Variants in SCRN3 observed in about 807,000 individuals in gnomAD.
The protein encoded by SCRN3 is secernin 3, also known as secernin-3.
A neutral mutation model predicts 43.1 loss-of-function variants in SCRN3; 39 were observed. The observed-to-expected ratio is 0.91, with a 90% CI of 0.70 to 1.18. SCRN3 has a LOEUF of 1.18. Among genes scored for constraint, SCRN3 ranks in the 50% most tolerant of loss-of-function variants. SCRN3 has a pLI of 0.00. For synonymous variants in SCRN3, 147 were observed against 163.1 expected (o/e 0.90, Z 0.75); for missense variants, 484 against 498.0 (o/e 0.97, Z 0.27).
intron 5 of SCRN3, among the ~76,000 whole-genome samples, chr2:174,406,008 G>A (rs1298065972): frequency 7.2e-6 from 1 of 138,466 alleles, no homozygotes; most frequent in Non-Finnish European, 1.6e-5. Context: ...GTCATTGGTA[G>A]CTTGATGGGG....
At chr2:174,396,002 C>T (rs1054644789) in intron 1 of SCRN3, 185 bp downstream of exon 1, 4 of 1,360,824 alleles carry the variant, frequency 2.9e-6, no homozygotes, top group East Asian at 2.8e-5. Flanking sequence ...GCTTGAAGCT[C>T]GAGCCCATTA....
intron 4 of SCRN3, among the ~76,000 whole-genome samples, chr2:174,403,167 A>C (rs1203147665): frequency 6.6e-6 from 1 of 152,136 alleles, no homozygotes; most frequent in Non-Finnish European, 1.5e-5. Flanking sequence ...ATTTGAAATA[A>C]GCATGAAATG....
Position 174,422,891 on chromosome 2 carries a change from T to C in SCRN3, c.761T>C (p.Ile254Thr), listed in dbSNP as rs139815824. 2.3e-5 allele frequency: 37 copies of C among 1,602,142 alleles called. 2 individuals are homozygous for C. In the Middle Eastern group the frequency reaches 5.0e-4, roughly 21 times the overall value. Residue 254 changes from isoleucine to threonine, a missense_variant, in exon 6 of 8, where the codon ATA becomes ACA. Physicochemically the swap from Ile to Thr is moderately conservative, Grantham distance 89. Transcript: ENST00000272732. Reference sequence around the variant, plus strand: ...TTAAAAATTATTTCTCTAGGAAATATAACTTTTGAAACAATGATGGAAATT... The same window carrying C: ...TTAAAAATTATTTCTCTAGGAAATACAACTTTTGAAACAATGATGGAAATT... ...YKLLNKHKGN[I>T]TFETMMEILR...
intron 7 of SCRN3, among the ~76,000 whole-genome samples, chr2:174,426,846 A>G (rs1221854701): frequency 6.6e-6 from 1 of 151,722 alleles, no homozygotes; most frequent in Non-Finnish European, 1.5e-5. Context: ...TTATTTATTT[A>G]TTTTGAGACA....
chr2:174,425,638 A>T (rs1003424222), intron 7 of SCRN3, among the ~76,000 whole-genome samples: 1 of 151,992 alleles, frequency 6.6e-6, no homozygotes, highest in Non-Finnish European at 1.5e-5. Context: ...GCTCTGCCAG[A>T]CTTCTTATTT....
At chr2:174,427,293 A>AT (rs889934190) in intron 7 of SCRN3, among the ~76,000 whole-genome samples, 2 of 151,946 alleles carry the variant, frequency 1.3e-5, no homozygotes, top group African/African-American at 2.4e-5. Context: ...CTTTTGGTTG[A>AT]TTTTTTCCTG....
intron 2 of SCRN3, among the ~76,000 whole-genome samples, chr2:174,399,558 A>G (rs551381994): frequency 4.2e-4 from 64 of 152,346 alleles, no homozygotes; most frequent in African/African-American, 1.4e-3. Context: ...CTGAGCTCCA[A>G]TAGCACCTTG....
At position 174,404,702 on chromosome 2, in the gene SCRN3, C is replaced by T. The variant is rs1187541710; in HGVS notation, c.754+387C>T. On this transcript the variant is annotated intron_variant, in intron 5 of 7. Coordinates refer to ENST00000272732, the MANE Select transcript of SCRN3 (RefSeq NM_024583.5). ...ATTCCCACCTATGAGTGAGAATATGCGGTGTTTGGTTTTTTGTTCTTGCGA... is the reference window on the plus strand; with the variant it reads ...ATTCCCACCTATGAGTGAGAATATGTGGTGTTTGGTTTTTTGTTCTTGCGA... 4.0e-5 allele frequency among the ~76,000 whole-genome samples: 5 copies of T among 124,170 alleles called. No homozygotes were observed. In the East Asian group the frequency reaches 7.1e-4, roughly 18 times the overall value. The allele number at this position is 124,170 out of a possible 152,430, so 81.5% of individuals were successfully genotyped here.
chr2:174,406,025 T>C lies in SCRN3; in HGVS notation c.754+1710T>C, dbSNP rs1377166627. 1.4e-5 allele frequency among the ~76,000 whole-genome samples: 2 copies of C among 138,624 alleles called. 1 individual carries two copies. The highest frequency in any genetic ancestry group is 4.2e-4 in the East Asian group (2 of 4,738). 90.9% of individuals were successfully genotyped at this position (138,624 alleles called of 152,430 possible). On this transcript the variant is annotated intron_variant, in intron 5 of 7. Coordinates refer to ENST00000272732, the MANE Select transcript of SCRN3 (RefSeq NM_024583.5). ...CATTGGTAGCTTGATGGGGATGGCA[T>C]TGAATCTGTAAATTACCTTGGGCAG...
intron 5 of SCRN3, among the ~76,000 whole-genome samples, chr2:174,406,043 T>G (rs1174604864): frequency 7.2e-6 from 1 of 138,636 alleles, no homozygotes; most frequent in East Asian, 2.1e-4. Flanking sequence ...GTAAATTACC[T>G]TGGGCAGTAT....
chr2:174,424,179 C>A (rs1158089864), intron 6 of SCRN3, among the ~76,000 whole-genome samples: 3 of 152,150 alleles, frequency 2.0e-5, no homozygotes, highest in African/African-American at 4.8e-5. Context: ...TATCCTCCAA[C>A]TGTGGAATGT....
intron 4 of SCRN3, among the ~76,000 whole-genome samples, chr2:174,403,882 A>G (rs1336309400): frequency 6.6e-6 from 1 of 151,970 alleles, no homozygotes; most frequent in African/African-American, 2.4e-5. Flanking sequence ...TCTCAGTATT[A>G]TTTTTTTATA....
intron 1 of SCRN3, chr2:174,397,209 A>G: frequency 1.0e-6 from 1 of 971,194 alleles, no homozygotes; most frequent in Non-Finnish European, 1.2e-6. Context: ...CTTTTTAAGG[A>G]AACATTTATT....
chr2:174,423,353 G>C (rs1440468554), intron 6 of SCRN3, among the ~76,000 whole-genome samples: 1 of 152,178 alleles, frequency 6.6e-6, no homozygotes, highest in Non-Finnish European at 1.5e-5. Flanking sequence ...TATGATATTA[G>C]ATAATTCATA....
chr2:174,424,716 T>C, intron 7 of SCRN3, 67 bp downstream of exon 7: 1 of 1,302,572 alleles, frequency 7.7e-7, no homozygotes, highest in South Asian at 1.4e-5. Flanking sequence ...TATTTTGAAC[T>C]TTGGAGTATC....
Position 174,428,628 on chromosome 2 carries a change from T to C in SCRN3, c.*733T>C, listed in dbSNP as rs1026068890. The stretch of plus-strand genomic sequence containing the variant: ...GGATATACTGTTTCTGGGTCTGAAA[T>C]CTCTCTCATTGTTTACTTCTGTTCA... On this transcript the variant is annotated 3_prime_UTR_variant, in exon 8 of 8. Transcript: ENST00000272732. 1 of 152,140 alleles carries C rather than the reference T, an allele frequency of 6.6e-6. No homozygotes were observed. The highest frequency in any genetic ancestry group is 1.5e-5 in the Non-Finnish European group (1 of 68,000). The allele number at this position is 152,140 out of a possible 1,614,324, so 9.4% of individuals were successfully genotyped here. A position where few individuals can be genotyped will look rare whatever the true frequency, so the allele number is the denominator to read the frequency against.
chr2:174,398,290 C>G lies in SCRN3; in HGVS notation c.7C>G (p.Pro3Ala), dbSNP rs1422649583. The change falls in exon 2 of 8, where the codon CCT becomes GCT. Residue 3 changes from proline (P) to alanine (A), a missense_variant. Pro to Ala is a conservative substitution (Grantham distance 27). Coordinates refer to ENST00000272732, the MANE Select transcript of SCRN3 (RefSeq NM_024583.5). ...TAATTTTTAGTTAAAAAAAATGGAA[C>G]CTTTTTCCTGTGACACTTTCGTGGC... is the stretch of plus-strand genomic sequence containing the variant. MEPFSCDTFVALP... is the reference protein window; with the variant it reads MEAFSCDTFVALP... 1 of 1,565,116 alleles carries G rather than the reference C, an allele frequency of 6.4e-7. No individual in the cohort carries two copies. Among genetic ancestry groups the G allele is most frequent in the Non-Finnish European group, 8.6e-7 (1 of 1,162,836 alleles).
chr2:174,410,977 T>C (rs1685896881), intron 5 of SCRN3, among the ~76,000 whole-genome samples: 1 of 152,066 alleles, frequency 6.6e-6, no homozygotes, highest in Non-Finnish European at 1.5e-5. Flanking sequence ...TTAACATCCA[T>C]GAGAATGTAG....
At chr2:174,411,075 A>T (rs1281822895) in intron 5 of SCRN3, among the ~76,000 whole-genome samples, 1 of 152,068 alleles carries the variant, frequency 6.6e-6, no homozygotes, top group African/African-American at 2.4e-5. Context: ...TCCACTCCCT[A>T]CCCAGAGTTT....
Sources: gnomAD v4.1 joint callset for allele counts (sites outside exome capture counted in the v4.1 genomes callset) on GRCh38, gnomAD v4.1.1 for gene constraint, MANE v1.5 for transcripts, NCBI Gene and HGNC (gene_info 2026-07-23, HGNC 2026-07-21) for gene names.